Variants in CPQ observed in about 807,000 individuals in gnomAD.
The protein encoded by CPQ is carboxypeptidase Q.
CPQ carries 37 observed loss-of-function variants against 45.7 expected under a neutral mutation model. The observed-to-expected ratio is 0.81, with a 90% CI of 0.62 to 1.07. CPQ has a LOEUF of 1.07. Among genes scored for constraint, CPQ ranks in the 50% least tolerant of loss-of-function variants. CPQ has a pLI of 0.00. For missense variants in CPQ, 537 were observed against 572.9 expected, an observed-to-expected ratio of 0.94 and a Z score of 0.64; for synonymous variants, 186 against 205.8, an observed-to-expected ratio of 0.90 and a Z score of 0.82.
Position 97,084,378 on chromosome 8 carries a change from A to G in CPQ, c.1255+18168A>G, listed in dbSNP as rs772354685. ...CTTTTGCTTCTTTTATTTTCTTCCT[A>G]CCCCTCCCCCATCTTTTTCTTGAGG... On this transcript the variant is annotated intron_variant, in intron 7 of 7. Transcript: ENST00000220763. Among the ~76,000 whole-genome samples the G allele has an allele frequency of 2.0e-4, 30 of 151,592 alleles. 1 individual carries two copies. The highest frequency in any genetic ancestry group is 3.5e-4 in the Non-Finnish European group (24 of 67,918).
chr8:97,103,949 T>C lies in CPQ; in HGVS notation c.1255+37739T>C, dbSNP rs376457563. ...AAAGCCCTGGGGAGACTGCATAGGA[T>C]GGCCTACCTCTAGTGAGAAACACTG... is the stretch of plus-strand genomic sequence containing the variant. On this transcript the variant is annotated intron_variant, in intron 7 of 7. Coordinates refer to ENST00000220763, the MANE Select transcript of CPQ (RefSeq NM_016134.4). Among the ~76,000 whole-genome samples, 5 of 152,156 alleles carry C rather than the reference T, an allele frequency of 3.3e-5. No individual in the cohort carries two copies. In the East Asian group the frequency reaches 9.7e-4, roughly 29 times the overall value.
At chr8:96,917,673 A>T (rs1812750860) in intron 4 of CPQ, among the ~76,000 whole-genome samples, 1 of 152,274 alleles carries the variant, frequency 6.6e-6, no homozygotes, top group African/African-American at 2.4e-5. Flanking sequence ...GAACAAGAAG[A>T]TGTATGTGTG....
intron 4 of CPQ, among the ~76,000 whole-genome samples, chr8:96,899,142 G>A (rs1385583418): frequency 6.6e-6 from 1 of 152,104 alleles, no homozygotes; most frequent in Admixed American, 6.6e-5. Flanking sequence ...TGCTGAGATG[G>A]AAAAAGAAAG....
At chr8:97,140,850 G>GAGAT (rs1167977543) in intron 7 of CPQ, among the ~76,000 whole-genome samples, 1 of 152,016 alleles carries the variant, frequency 6.6e-6, no homozygotes, top group Non-Finnish European at 1.5e-5. Context: ...CATTGTTGCA[G>GAGAT]AGATAGACAA....
At chr8:96,836,373 A>G (rs932230988) in intron 3 of CPQ, among the ~76,000 whole-genome samples, 1 of 152,194 alleles carries the variant, frequency 6.6e-6, no homozygotes, top group African/African-American at 2.4e-5. Context: ...CAGGGATAAG[A>G]TATCTTCCCA....
chr8:96,880,411 G>A (rs1812205054), intron 4 of CPQ, among the ~76,000 whole-genome samples: 2 of 151,434 alleles, frequency 1.3e-5, no homozygotes, highest in East Asian at 3.9e-4. Flanking sequence ...CTACTAAAAT[G>A]ATACCTGCAC....
At chr8:96,963,802 C>A (rs1813504258) in intron 4 of CPQ, among the ~76,000 whole-genome samples, 1 of 152,114 alleles carries the variant, frequency 6.6e-6, no homozygotes, top group Admixed American at 6.6e-5. Flanking sequence ...ATGACCAGCA[C>A]CCCAAAAGGT....
intron 5 of CPQ, among the ~76,000 whole-genome samples, chr8:96,990,266 T>G: frequency 6.6e-6 from 1 of 152,218 alleles, no homozygotes; most frequent in East Asian, 1.9e-4. Flanking sequence ...GTTTCATGTT[T>G]GATTTTAACT....
intron 6 of CPQ, among the ~76,000 whole-genome samples, chr8:97,042,590 T>C (rs898743497): frequency 1.3e-5 from 2 of 151,562 alleles, no homozygotes; most frequent in Non-Finnish European, 3.0e-5. Flanking sequence ...GGTGTCAATT[T>C]TGGATCTTTC....
At chr8:97,073,527 G>A (rs1810791232) in intron 7 of CPQ, among the ~76,000 whole-genome samples, 1 of 152,138 alleles carries the variant, frequency 6.6e-6, no homozygotes, top group Admixed American at 6.5e-5. Flanking sequence ...CGCCCTACTG[G>A]GAACATGAAA....
chr8:97,096,878 G>A (rs761571082), intron 7 of CPQ, among the ~76,000 whole-genome samples: 2 of 152,148 alleles, frequency 1.3e-5, no homozygotes, highest in Non-Finnish European at 2.9e-5. Context: ...TATGCTTCCC[G>A]CCCAGAATTC....
At chr8:96,926,259 C>G (rs572730139) in intron 4 of CPQ, among the ~76,000 whole-genome samples, 1 of 152,302 alleles carries the variant, frequency 6.6e-6, no homozygotes, top group South Asian at 2.1e-4. Context: ...GAACTTATTC[C>G]CAGTGCAGCC....
chr8:96,849,684 C>G (rs1229028943), intron 3 of CPQ, among the ~76,000 whole-genome samples: 2 of 152,166 alleles, frequency 1.3e-5, no homozygotes, highest in Admixed American at 6.5e-5. Context: ...TGCAGCCCTT[C>G]TAGTGAGACA....
chr8:97,134,673 A>AT (rs1481297564), intron 7 of CPQ, among the ~76,000 whole-genome samples: 2 of 152,272 alleles, frequency 1.3e-5, no homozygotes, highest in South Asian at 2.1e-4. Flanking sequence ...GAAAAGGCAC[A>AT]TTTTTTCCCG....
intron 5 of CPQ, among the ~76,000 whole-genome samples, chr8:97,001,249 T>A (rs777609356): frequency 2.6e-5 from 4 of 152,162 alleles, no homozygotes; most frequent in Non-Finnish European, 4.4e-5. Flanking sequence ...ACTGCCTGAT[T>A]GCCCTGGCCT....
intron 1 of CPQ, among the ~76,000 whole-genome samples, chr8:96,713,362 C>A (rs1258683456): frequency 6.6e-6 from 1 of 152,148 alleles, no homozygotes; most frequent in African/African-American, 2.4e-5. Context: ...ATTCCCGTTA[C>A]CAATTTACTG....
intron 4 of CPQ, among the ~76,000 whole-genome samples, chr8:96,936,329 A>G (rs1243476624): frequency 6.6e-6 from 1 of 152,204 alleles, no homozygotes; most frequent in African/African-American, 2.4e-5. Context: ...GTCTGTTTCA[A>G]TTCCTAATGT....
chr8:97,015,833 T>A (rs1327518643), intron 5 of CPQ, among the ~76,000 whole-genome samples: 2 of 152,140 alleles, frequency 1.3e-5, no homozygotes, highest in Non-Finnish European at 2.9e-5. Flanking sequence ...ACATTATTGA[T>A]TATAATAAGG....
intron 4 of CPQ, among the ~76,000 whole-genome samples, chr8:96,943,720 A>G (rs1202937156): frequency 6.6e-6 from 1 of 152,174 alleles, no homozygotes; most frequent in Non-Finnish European, 1.5e-5. Context: ...GGGTCATAAC[A>G]TAACAACTGT....
Sources: allele counts gnomAD v4.1 joint callset (sites outside exome capture counted in the v4.1 genomes callset), GRCh38; gene constraint gnomAD v4.1.1; transcripts MANE v1.5; gene names NCBI Gene and HGNC (gene_info 2026-07-23, HGNC 2026-07-21).